SCYL2: variants seen among roughly 807,000 people sequenced by gnomAD.
SCYL2 encodes SCY1-like protein 2.
A neutral mutation model predicts 100.4 loss-of-function variants in SCYL2; 36 were observed. That is an observed-to-expected ratio of 0.36 (90% confidence interval 0.27 to 0.47). The LOEUF is 0.47. Ranked by LOEUF, SCYL2 falls within the 20% of genes least tolerant of loss-of-function variation. The probability of loss-of-function intolerance (pLI) is 1.00; values close to 1 mark genes in which losing one functional copy is unlikely to be tolerated. For synonymous variants in SCYL2, 330 were observed against 359.2 expected (o/e 0.92, Z 0.92); for missense variants, 902 against 1,083.9 (o/e 0.83, Z 2.36).
chr12:100,323,651 A>G lies in SCYL2; in HGVS notation c.1509+13A>G, dbSNP rs770872035. On this transcript the variant is annotated intron_variant, in intron 11 of 17. Coordinates refer to ENST00000360820, the MANE Select transcript of SCYL2 (RefSeq NM_017988.6). ...ATCTTCCCTTGCGGTAAGTAATTGC[A>G]TATTAATTTTTGTTTTTCTTTTCAC... 6 of 1,426,830 alleles carry G rather than the reference A, an allele frequency of 4.2e-6. No individual in the cohort carries two copies. The highest frequency in any genetic ancestry group is 2.4e-5 in the South Asian group (2 of 82,300). 88.4% of individuals were successfully genotyped at this position (1,426,830 alleles called of 1,614,324 possible).
At chr12:100,309,910 C>T (rs189954665) in intron 4 of SCYL2, among the ~76,000 whole-genome samples, 1 of 152,282 alleles carries the variant, frequency 6.6e-6, no homozygotes, top group Non-Finnish European at 1.5e-5. Flanking sequence ...TTCTCCATAT[C>T]CTCACCAGCA....
chr12:100,306,023 G>A (rs548198935), intron 4 of SCYL2, among the ~76,000 whole-genome samples: 45 of 151,948 alleles, frequency 3.0e-4, no homozygotes, highest in South Asian at 6.2e-4. Flanking sequence ...AATAGCCTAC[G>A]AACCGAAAAA....
intron 4 of SCYL2, 125 bp downstream of exon 4, chr12:100,298,300 C>A: frequency 1.5e-6 from 1 of 654,012 alleles, no homozygotes; most frequent in Non-Finnish European, 2.4e-6. Flanking sequence ...GTAATTTAGT[C>A]ATTATTCCTA....
chr12:100,337,873 T>C (rs1035477859), intron 17 of SCYL2, among the ~76,000 whole-genome samples: 4 of 152,208 alleles, frequency 2.6e-5, no homozygotes, highest in Non-Finnish European at 5.9e-5. Flanking sequence ...TTTTCAATTA[T>C]AGTTAGATTT....
chr12:100,336,083 A>C (rs1843666753), intron 16 of SCYL2, among the ~76,000 whole-genome samples, 177 bp downstream of exon 16: 1 of 152,154 alleles, frequency 6.6e-6, no homozygotes, highest in African/African-American at 2.4e-5. Context: ...GAATAAACAT[A>C]CTTAAGATTT....
chr12:100,278,207 G>GTT (rs1395778536), intron 1 of SCYL2, among the ~76,000 whole-genome samples: 2 of 151,262 alleles, frequency 1.3e-5, no homozygotes, highest in African/African-American at 4.9e-5. Context: ...GTTTTGTTTT[G>GTT]TTTTGTTTTA....
At chr12:100,334,299 C>A in intron 14 of SCYL2, 33 bp downstream of exon 14, 1 of 1,187,388 alleles carries the variant, frequency 8.4e-7, no homozygotes, top group Non-Finnish European at 1.2e-6. Context: ...ATATGTGGTC[C>A]GGGAGTGAAA....
At chr12:100,270,960 C>A (rs1046105056) in intron 1 of SCYL2, among the ~76,000 whole-genome samples, 1 of 151,494 alleles carries the variant, frequency 6.6e-6, no homozygotes, top group South Asian at 2.1e-4. Context: ...TTTTTATGTT[C>A]GTTTTTAAAA....
Position 100,312,472 on chromosome 12 carries a change from C to A in SCYL2, c.671C>A (p.Ser224Ter), listed in dbSNP as rs1223622660. 1.2e-6 allele frequency: 2 copies of A among 1,613,360 alleles called. No homozygotes were observed. Reference sequence around the variant, plus strand: ...AAAGAATGGGACCCAAATTTACCTTCATTGTGTCTTCCAAATCCTGAATAT... The same window carrying A: ...AAAGAATGGGACCCAAATTTACCTTAATTGTGTCTTCCAAATCCTGAATAT... ...PCKEWDPNLP[S>*]LCLPNPEYLA... The change falls in exon 6 of 18, where the codon TCA becomes TAA. Residue 224 changes from serine (S) to a stop codon, truncating the protein, a stop_gained. Transcript: ENST00000360820. LOFTEE classifies it high-confidence loss of function.
intron 1 of SCYL2, among the ~76,000 whole-genome samples, chr12:100,269,593 A>T (rs1332818339): frequency 6.6e-6 from 1 of 152,192 alleles, no homozygotes; most frequent in Non-Finnish European, 1.5e-5. Flanking sequence ...GTTAATCCTT[A>T]TAACAATCAC....
chr12:100,322,101 G>A (rs1244726253), intron 10 of SCYL2, among the ~76,000 whole-genome samples: 2 of 150,078 alleles, frequency 1.3e-5, no homozygotes, highest in African/African-American at 4.9e-5. Flanking sequence ...GGCCGGGCGC[G>A]GTGGCTCACG....
intron 13 of SCYL2, among the ~76,000 whole-genome samples, chr12:100,330,052 A>G (rs1221817454): frequency 6.6e-6 from 1 of 152,196 alleles, no homozygotes; most frequent in Non-Finnish European, 1.5e-5. Flanking sequence ...TGCTTTAGAA[A>G]CAAGTCACAG....
At chr12:100,294,118 C>T (rs1177426645) in intron 3 of SCYL2, among the ~76,000 whole-genome samples, 1 of 134,410 alleles carries the variant, frequency 7.4e-6, no homozygotes, top group Non-Finnish European at 1.7e-5. Context: ...GGCAGAGGCG[C>T]CCCTCACCTC....
At chr12:100,289,184 AG>A (rs1487272054) in intron 2 of SCYL2, among the ~76,000 whole-genome samples, 1 of 152,172 alleles carries the variant, frequency 6.6e-6, no homozygotes, top group Non-Finnish European at 1.5e-5. Flanking sequence ...CGTAATGATC[AG>A]GAGTTAAGAT....
intron 1 of SCYL2, among the ~76,000 whole-genome samples, chr12:100,275,780 T>C (rs2096291901): frequency 6.6e-6 from 1 of 152,242 alleles, no homozygotes; most frequent in African/African-American, 2.4e-5. Flanking sequence ...AAGTGGTTAG[T>C]ATTTTATCTT....
intron 2 of SCYL2, among the ~76,000 whole-genome samples, chr12:100,284,027 A>G (rs1339876858): frequency 6.6e-6 from 1 of 152,228 alleles, no homozygotes; most frequent in African/African-American, 2.4e-5. Context: ...TTGACTACCT[A>G]AAAACTATTA....
intron 4 of SCYL2, among the ~76,000 whole-genome samples, chr12:100,310,374 C>T (rs1054529728): frequency 5.3e-5 from 8 of 152,226 alleles, no homozygotes; most frequent in Non-Finnish European, 8.8e-5. Flanking sequence ...ATTTGCATTT[C>T]CCTAATGGTT....
At chr12:100,310,990 A>T in intron 4 of SCYL2, 54 bp from the exon 5 acceptor site, 1 of 1,394,818 alleles carries the variant, frequency 7.2e-7, no homozygotes. Context: ...GAGACATTTT[A>T]TTATAATTGA....
intron 1 of SCYL2, among the ~76,000 whole-genome samples, chr12:100,281,132 G>A (rs926888413): frequency 3.6e-5 from 5 of 139,794 alleles, no homozygotes; most frequent in African/African-American, 7.9e-5. Flanking sequence ...GGGCTCAAAC[G>A]ATCCTTCCAC....
Sources: gnomAD v4.1 joint callset for allele counts (sites outside exome capture counted in the v4.1 genomes callset) on GRCh38, gnomAD v4.1.1 for gene constraint, MANE v1.5 for transcripts, NCBI Gene and HGNC (gene_info 2026-07-23, HGNC 2026-07-21) for gene names.